Variants in DEF6 observed in about 807,000 individuals in gnomAD.
DEF6 encodes DEF6 guanine nucleotide exchange factor.
In DEF6, 32 loss-of-function variants were observed where a neutral mutation model predicts 80.5. That is an observed-to-expected ratio of 0.40 (90% CI 0.30 to 0.53). DEF6 has a LOEUF of 0.53. Ranked by LOEUF, DEF6 falls within the 20% of genes least tolerant of loss-of-function variation. The probability of loss-of-function intolerance (pLI) is 0.57; values close to 1 mark genes in which losing one functional copy is unlikely to be tolerated. For synonymous variants in DEF6, 300 were observed against 337.9 expected (o/e 0.89, Z 1.23); for missense variants, 575 against 818.7 (o/e 0.70, Z 3.63).
chr6:35,312,839 A>C lies in DEF6; in HGVS notation c.807+67A>C. 3 of 1,526,906 alleles carry C rather than the reference A, an allele frequency of 2.0e-6. No homozygotes were observed. The highest frequency in any genetic ancestry group is 2.7e-6 in the Non-Finnish European group (3 of 1,122,590). The allele number at this position is 1,526,906 out of a possible 1,614,324, so 94.6% of individuals were successfully genotyped here. On this transcript the variant is annotated intron_variant, in intron 5 of 10. Coordinates refer to ENST00000316637, the MANE Select transcript of DEF6 (RefSeq NM_022047.4). This position sits in a 1 kb window ranked among gnomAD's most constrained non-coding sequence, Gnocchi z 6.6. ...AGTGTCCTCAGGGGCATGAGAAGAC[A>C]AGGGGGTCAGGAGAGGGGCAAATGG... is the stretch of plus-strand genomic sequence containing the variant.
chr6:35,298,450 G>GC (rs1791270498), intron 1 of DEF6, among the ~76,000 whole-genome samples: 1 of 152,146 alleles, frequency 6.6e-6, no homozygotes, highest in Non-Finnish European at 1.5e-5. Context: ...GTCTAACCCT[G>GC]CCCGCCAGGT....
rs183641508 is a variant in DEF6 at position 35,300,125 on chromosome 6, G to C, written c.96+2173G>C. On this transcript the variant is annotated intron_variant, in intron 1 of 10. Transcript: ENST00000316637. ...CAGCCTCAAACTCCTGGGTTCAAGCGATCTTCCTACTTCAGCCTCCTGAGT... is the reference window on the plus strand; with the variant it reads ...CAGCCTCAAACTCCTGGGTTCAAGCCATCTTCCTACTTCAGCCTCCTGAGT... Among the ~76,000 whole-genome samples, 168 of 152,236 alleles carry C rather than the reference G, an allele frequency of 1.1e-3. 1 individual carries two copies. Among genetic ancestry groups the C allele is most frequent in the African/African-American group, 3.9e-3 (161 of 41,544 alleles).
At chr6:35,305,550 T>A (rs1791377533) in intron 1 of DEF6, among the ~76,000 whole-genome samples, 2 of 149,410 alleles carry the variant, frequency 1.3e-5, no homozygotes, top group South Asian at 4.3e-4. Context: ...TTAGTGGTAA[T>A]TTTTTTTTTG....
At position 35,318,203 on chromosome 6, in the gene DEF6, A is replaced by T. The variant is rs1018898576; in HGVS notation, c.947A>T (p.Glu316Val). The change falls in exon 7 of 11, where the codon GAG becomes GTG. Residue 316 changes from glutamate (E) to valine (V), a missense_variant. Transcript: ENST00000316637. This position sits in a 1 kb window ranked among gnomAD's most constrained non-coding sequence, Gnocchi z 5.1. ...CAGATGGCGATCCGGCTGCAGGCCGAGGGGAAGACGTCCCTACACAAGGAC... is the reference window on the plus strand; with the variant it reads ...CAGATGGCGATCCGGCTGCAGGCCGTGGGGAAGACGTCCCTACACAAGGAC... ...AIQMAIRLQA[E>V]GKTSLHKDLK... 6.3e-7 allele frequency: 1 copy of T among 1,583,306 alleles called. No individual in the cohort carries two copies. The highest frequency in any genetic ancestry group is 8.6e-7 in the Non-Finnish European group (1 of 1,165,996).
At position 35,321,229 on chromosome 6, in the gene DEF6, C is replaced by T. The variant is rs766994403; in HGVS notation, c.1715C>T (p.Pro572Leu). 46 of 1,613,080 alleles carry T rather than the reference C, an allele frequency of 2.9e-5. No homozygotes were observed. Among genetic ancestry groups the T allele is most frequent in the Non-Finnish European group, 3.4e-5 (40 of 1,179,978 alleles). ...AGCAGCTCCTTCTCAGGCTTCCAGC[C>T]CCCTCTGCTTGCCCACCGTGACTCC... The part of the protein sequence containing the change: ...VTSSSFSGFQ[P>L]PLLAHRDSSL... Residue 572 changes from proline to leucine, a missense_variant, in exon 11 of 11, where the codon CCC (proline) becomes CTC (leucine). Physicochemically the swap from Pro to Leu is moderately conservative, Grantham distance 98. Coordinates refer to ENST00000316637, the MANE Select transcript of DEF6 (RefSeq NM_022047.4).
At position 35,309,619 on chromosome 6, in the gene DEF6, C is replaced by T. The variant is rs9469987; in HGVS notation, c.97-51C>T. 8.0e-3 allele frequency: 12,789 copies of T among 1,595,356 alleles called. 908 individuals are homozygous for T. In the African/African-American group the frequency reaches 0.15, roughly 18 times the overall value. ...AGAGGTGGGGAGCAGTCCTCTGGCCCAGTTTTGGTTGGGGTGCAGAAAGAC... is the reference window on the plus strand; with the variant it reads ...AGAGGTGGGGAGCAGTCCTCTGGCCTAGTTTTGGTTGGGGTGCAGAAAGAC... On this transcript the variant is annotated intron_variant, in intron 1 of 10. Coordinates refer to ENST00000316637, the MANE Select transcript of DEF6 (RefSeq NM_022047.4).
In DEF6 at chr6:35,318,758, G is replaced by C. The variant is rs1228827062; in HGVS notation, c.1215+287G>C. 6.6e-6 allele frequency among the ~76,000 whole-genome samples: 1 copy of C among 152,220 alleles called. No individual in the cohort carries two copies. ...CCTGGTTCGGAGACCTTGGCTGTGGGTTGGGGCTTGGGCAGAAGGAGCCGT... is the reference window on the plus strand; with the variant it reads ...CCTGGTTCGGAGACCTTGGCTGTGGCTTGGGGCTTGGGCAGAAGGAGCCGT... On this transcript the variant is annotated intron_variant, in intron 7 of 10. Transcript: ENST00000316637. This position sits in a 1 kb window ranked among gnomAD's most constrained non-coding sequence, Gnocchi z 5.1.
chr6:35,306,511 T>TA (rs988384869), intron 1 of DEF6, among the ~76,000 whole-genome samples: 150 of 140,814 alleles, frequency 1.1e-3, no homozygotes, highest in African/African-American at 1.2e-3. Flanking sequence ...AATTCTGTCT[T>TA]AAAAAAAAAA....
chr6:35,309,715 C>T lies in DEF6; in HGVS notation c.142C>T (p.Pro48Ser). The change falls in exon 2 of 11, where the codon CCC becomes TCC. Residue 48 changes from proline to serine, a missense_variant. Coordinates refer to ENST00000316637, the MANE Select transcript of DEF6 (RefSeq NM_022047.4). ...CACGGTCCTGCACATCCCCCATGAC[C>T]CCGTGGCCCTGGAGGAACACTTCCG... Reference protein sequence around the residue: ...LYTVLHIPHDPVALEEHFRDD... With the variant: ...LYTVLHIPHDSVALEEHFRDD... The T allele has an allele frequency of 1.2e-6, 2 of 1,614,054 alleles. No individual in the cohort carries two copies. The highest frequency in any genetic ancestry group is 2.2e-5 in the East Asian group (1 of 44,874).
rs754527534 is a variant in DEF6, at chr6:35,309,763, T to G, written c.190T>G (p.Ser64Ala). The stretch of plus-strand genomic sequence containing the variant: ...CCGAGATGATGATGACGGCCCTGTG[T>G]CCAGCCAGGGATACATGCCCTACCT... ...HFRDDDDGPV[S>A]SQGYMPYLNK... Residue 64 changes from serine (S) to alanine (A), a missense_variant, in exon 2 of 11, where the codon TCC (serine) becomes GCC (alanine). Ser to Ala is a moderately conservative substitution (Grantham distance 99, BLOSUM62 1). Transcript: ENST00000316637. 6.2e-7 allele frequency: 1 copy of G among 1,614,066 alleles called. No homozygotes were observed. The highest frequency in any genetic ancestry group is 8.5e-7 in the Non-Finnish European group (1 of 1,180,004).
chr6:35,315,241 G>A (rs1791511588), intron 5 of DEF6, among the ~76,000 whole-genome samples: 2 of 152,078 alleles, frequency 1.3e-5, no homozygotes, highest in African/African-American at 4.8e-5. Context: ...CCAGGCTGGA[G>A]TGCAGTGGTA....
Position 35,318,319 on chromosome 6 carries a change from G to A in DEF6, c.1063G>A (p.Glu355Lys), listed in dbSNP as rs1215612509. The change falls in exon 7 of 11, where the codon GAG (glutamate) becomes AAG (lysine). Residue 355 changes from glutamate to lysine, a missense_variant. Transcript: ENST00000316637. This position sits in a 1 kb window ranked among gnomAD's most constrained non-coding sequence, Gnocchi z 5.1. Reference protein sequence around the residue: ...EELLRLQQLQEEKERKLQELE... With the variant: ...EELLRLQQLQKEKERKLQELE... ...GCTGCTGCGGCTGCAGCAGCTGCAG[G>A]AGGAGAAGGAGCGGAAGCTGCAGGA... 5.8e-6 allele frequency: 9 copies of A among 1,548,298 alleles called. No homozygotes were observed. The highest frequency in any genetic ancestry group is 1.2e-5 in the South Asian group (1 of 84,558).
chr6:35,298,459 G>A (rs1331769164), intron 1 of DEF6, among the ~76,000 whole-genome samples: 3 of 152,186 alleles, frequency 2.0e-5, no homozygotes, highest in African/African-American at 7.2e-5. Flanking sequence ...TGCCCGCCAG[G>A]TGGGACAGAG....
At position 35,319,968 on chromosome 6, in the gene DEF6, A is replaced by T; in HGVS notation, c.1532A>T (p.Gln511Leu). ...QSRSLQQAQQ[Q>L]LEEVRQNRQR... ...CGCTCCCTGCAGCAGGCCCAGCAGC[A>T]GCTGGAGGAGGTGCGGCAGAACCGG... is the stretch of plus-strand genomic sequence containing the variant. The change falls in exon 9 of 11, where the codon CAG (glutamine) becomes CTG (leucine). Residue 511 changes from glutamine (Q) to leucine (L), a missense_variant. Gln to Leu is a moderately radical substitution (Grantham distance 113, BLOSUM62 -2). Coordinates refer to ENST00000316637, the MANE Select transcript of DEF6 (RefSeq NM_022047.4). This position sits in a 1 kb window ranked among gnomAD's most constrained non-coding sequence, Gnocchi z 4.5. The T allele has an allele frequency of 6.4e-7, 1 of 1,565,950 alleles. No individual in the cohort carries two copies. Among genetic ancestry groups the T allele is most frequent in the Non-Finnish European group, 8.7e-7 (1 of 1,154,624 alleles).
chr6:35,310,371 C>A, intron 2 of DEF6, 88 bp from the exon 3 acceptor site: 1 of 1,421,820 alleles, frequency 7.0e-7, no homozygotes, highest in Non-Finnish European at 9.7e-7. Flanking sequence ...GGAGCAGGGG[C>A]ATAGATGAAC....
Position 35,309,688 on chromosome 6 carries a change from T to C in DEF6, c.115T>C (p.Tyr39His). ...SQLKVLSHNL[Y>H]TVLHIPHDPV... ...ATCCCAGGTGCTGTCCCACAACCTG[T>C]ACACGGTCCTGCACATCCCCCATGA... The change falls in exon 2 of 11, where the codon TAC (tyrosine) becomes CAC (histidine). Residue 39 changes from tyrosine to histidine, a missense_variant. By Grantham distance (83) the Tyr-to-His change is moderately conservative. Transcript: ENST00000316637. The C allele has an allele frequency of 6.2e-7, 1 of 1,613,942 alleles. No individual in the cohort carries two copies. The highest frequency in any genetic ancestry group is 8.5e-7 in the Non-Finnish European group (1 of 1,179,958).
chr6:35,320,551 G>A (rs1391716218), intron 9 of DEF6, among the ~76,000 whole-genome samples: 1 of 152,230 alleles, frequency 6.6e-6, no homozygotes, highest in Non-Finnish European at 1.5e-5. Flanking sequence ...CCCTGGGCAA[G>A]TCACTTAACC....
chr6:35,309,658 A>G lies in DEF6; in HGVS notation c.97-12A>G, dbSNP rs778911282. 8 of 1,612,194 alleles carry G rather than the reference A, an allele frequency of 5.0e-6. No individual in the cohort carries two copies. In the South Asian group the frequency reaches 8.8e-5, roughly 18 times the overall value. Reference sequence around the variant, plus strand: ...GTGCAGAAAGACACACTGCCACTCTACTCTATCCCAGGTGCTGTCCCACAA... The same window carrying G: ...GTGCAGAAAGACACACTGCCACTCTGCTCTATCCCAGGTGCTGTCCCACAA... On this transcript the variant is annotated splice_polypyrimidine_tract_variant and intron_variant, in intron 1 of 10. Coordinates refer to ENST00000316637, the MANE Select transcript of DEF6 (RefSeq NM_022047.4).
At chr6:35,310,769 G>A in intron 3 of DEF6, 125 bp downstream of exon 3, 1 of 1,014,150 alleles carries the variant, frequency 9.9e-7, no homozygotes, top group Non-Finnish European at 1.5e-6. Context: ...ATCTTCCCAT[G>A]CTGGTATCTG....
Sources: allele counts gnomAD v4.1 joint callset (sites outside exome capture counted in the v4.1 genomes callset), GRCh38; gene constraint gnomAD v4.1.1; non-coding constraint Gnocchi (gnomAD v3.1); transcripts MANE v1.5; gene names NCBI Gene and HGNC (gene_info 2026-07-23, HGNC 2026-07-21).